AKR1E2: variants seen among roughly 807,000 people sequenced by gnomAD.
The protein encoded by AKR1E2 is 1,5-anhydro-D-fructose reductase.
A neutral mutation model predicts 41.9 loss-of-function variants in AKR1E2; 43 were observed. That is an observed-to-expected ratio of 1.03 (90% CI 0.80 to 1.32). The LOEUF is 1.32. AKR1E2 is among the 40% of genes most tolerant of loss of function. The pLI is 0.00. For synonymous variants in AKR1E2, 121 were observed against 138.9 expected (o/e 0.87, Z 0.91); for missense variants, 423 against 396.5 (o/e 1.07, Z -0.57).
At chr10:4,825,448 AG>A (rs1832399905), upstream of AKR1E2, among the ~76,000 whole-genome samples, 1 of 152,056 alleles carries the variant, frequency 6.6e-6, no homozygotes, top group Non-Finnish European at 1.5e-5. Flanking sequence ...TCCACTCATA[AG>A]GGGGGTGTCC....
rs1833724864 is a variant in AKR1E2 at position 4,839,772 on chromosome 10, T to C, written c.626T>C (p.Phe209Ser). 1 of 1,614,166 alleles carries C rather than the reference T, an allele frequency of 6.2e-7. No homozygotes were observed. The highest frequency in any genetic ancestry group is 2.2e-5 in the East Asian group (1 of 44,876). ...PYLTQKNLIS[F>S]CQSRDVSVTA... The stretch of plus-strand genomic sequence containing the variant: ...CTTACTCAGAAGAATCTGATCAGTT[T>C]TTGCCAATCCAGAGATGTGTCCGTG... Residue 209 changes from phenylalanine (F) to serine (S), a missense_variant, in exon 6 of 10, where the codon TTT becomes TCT. Coordinates refer to ENST00000298375, the MANE Select transcript of AKR1E2 (RefSeq NM_001040177.3).
chr10:4,829,985 T>C (rs552563918), intron 1 of AKR1E2, among the ~76,000 whole-genome samples: 2 of 152,358 alleles, frequency 1.3e-5, no homozygotes, highest in African/African-American at 4.8e-5. Context: ...GTTCATTAGC[T>C]TTCAACCACT....
At chr10:4,829,422 G>A (rs879435337) in intron 1 of AKR1E2, among the ~76,000 whole-genome samples, 3 of 152,242 alleles carry the variant, frequency 2.0e-5, no homozygotes, top group Non-Finnish European at 4.4e-5. Flanking sequence ...CGGTATTCAT[G>A]AATAAGATGA....
chr10:4,831,833 A>C (rs973155467), intron 2 of AKR1E2, among the ~76,000 whole-genome samples: 3 of 152,206 alleles, frequency 2.0e-5, no homozygotes, highest in Admixed American at 2.0e-4. Context: ...TTTCATTTTT[A>C]AATAGGGCAG....
At chr10:4,857,197 A>G in the AKR1E2 span, among the ~76,000 whole-genome samples, 1 of 152,146 alleles carries the variant, frequency 6.6e-6, no homozygotes, top group East Asian at 1.9e-4. Flanking sequence ...AAAACATCTT[A>G]TGTACCCTGA....
upstream of AKR1E2, chr10:4,826,106 C>G (rs1588421928): frequency 2.5e-6 from 1 of 400,522 alleles, no homozygotes; most frequent in East Asian, 3.6e-5. Context: ...TCGGGGTGCC[C>G]GTCCTTAATA....
At chr10:4,856,756 G>T in the AKR1E2 span, among the ~76,000 whole-genome samples, 1 of 152,112 alleles carries the variant, frequency 6.6e-6, no homozygotes, top group Non-Finnish European at 1.5e-5. Flanking sequence ...TGGCACAGAG[G>T]TAACCAAATT....
intron 5 of AKR1E2, among the ~76,000 whole-genome samples, chr10:4,838,082 G>T (rs1433166703): frequency 2.0e-5 from 3 of 152,232 alleles, no homozygotes; most frequent in Admixed American, 6.5e-5. Context: ...TATGTTCAAA[G>T]ATCATTTATA....
Position 4,830,679 on chromosome 10 carries a change from C to T in AKR1E2, c.44C>T (p.Ser15Phe). ...TTTGTTTTGTTGGTTTTGCAGGCTT[C>T]TCCAGGGAAAGTGACCGAGGCAGTG... ...PAVGLSSWKA[S>F]PGKVTEAVKE... Residue 15 changes from serine (S) to phenylalanine (F), a missense_variant, in exon 2 of 10, where the codon TCT (serine) becomes TTT (phenylalanine). Ser to Phe is a radical substitution (Grantham distance 155). Transcript: ENST00000298375. 1 of 1,613,968 alleles carries T rather than the reference C, an allele frequency of 6.2e-7. No homozygotes were observed. The highest frequency in any genetic ancestry group is 1.1e-5 in the South Asian group (1 of 91,064).
intron 8 of AKR1E2, among the ~76,000 whole-genome samples, chr10:4,844,104 G>A (rs767564844): frequency 3.3e-4 from 50 of 152,294 alleles, no homozygotes; most frequent in Middle Eastern, 3.4e-3. Context: ...GGACCCTTGC[G>A]GTGAGTGTTA....
At chr10:4,872,772 C>T in the AKR1E2 span, among the ~76,000 whole-genome samples, 2 of 152,064 alleles carry the variant, frequency 1.3e-5, no homozygotes, top group Non-Finnish European at 2.9e-5. Context: ...GCTAAATAAA[C>T]TAGTAAAATA....
the AKR1E2 span, among the ~76,000 whole-genome samples, chr10:4,854,942 T>C: frequency 6.6e-6 from 1 of 152,182 alleles, no homozygotes; most frequent in African/African-American, 2.4e-5. Flanking sequence ...TGGAATAATC[T>C]GCCTTGCCCT....
the AKR1E2 span, among the ~76,000 whole-genome samples, chr10:4,859,490 G>A: frequency 6.6e-6 from 1 of 152,200 alleles, no homozygotes; most frequent in Non-Finnish European, 1.5e-5. Flanking sequence ...AAAATCATGA[G>A]GCCTGGAAGA....
Position 4,833,464 on chromosome 10 carries a change from A to AAGGTACC in AKR1E2, c.323_324+5dup. 4 of 1,612,730 alleles carry AAGGTACC rather than the reference A, an allele frequency of 2.5e-6. No homozygotes were observed. The highest frequency in any genetic ancestry group is 2.5e-6 in the Non-Finnish European group (3 of 1,178,762). ...CCTCATACACTGGCCCATGGGTTTC[A>AAGGTACC]AGGTACCGTTCAGTAGGTAGTTCGT... On this transcript the variant is annotated frameshift_variant and splice_region_variant, in exon 3 of 10. Transcript: ENST00000298375. LOFTEE classifies it high-confidence loss of function.
the AKR1E2 span, among the ~76,000 whole-genome samples, chr10:4,869,722 A>G: frequency 6.6e-6 from 1 of 151,876 alleles, no homozygotes; most frequent in Non-Finnish European, 1.5e-5. Flanking sequence ...ATTCAGTTCA[A>G]TGTACTTTTT....
chr10:4,848,618 C>T (rs1276809975), downstream of AKR1E2, among the ~76,000 whole-genome samples: 2 of 152,234 alleles, frequency 1.3e-5, no homozygotes, highest in African/African-American at 4.8e-5. Context: ...TCCCCCACAT[C>T]AGCCTCCAAA....
the AKR1E2 span, among the ~76,000 whole-genome samples, chr10:4,857,779 G>A: frequency 6.6e-6 from 1 of 152,064 alleles, no homozygotes; most frequent in African/African-American, 2.4e-5. Flanking sequence ...TATCTAACTT[G>A]CTGGCATACA....
At chr10:4,838,963 T>C (rs749431708) in intron 5 of AKR1E2, among the ~76,000 whole-genome samples, 1 of 152,180 alleles carries the variant, frequency 6.6e-6, no homozygotes, top group Non-Finnish European at 1.5e-5. Context: ...CTGGCCTCTC[T>C]TTTGGAGGCT....
chr10:4,868,406 G>C, the AKR1E2 span, among the ~76,000 whole-genome samples: 1 of 152,062 alleles, frequency 6.6e-6, no homozygotes, highest in African/African-American at 2.4e-5. Context: ...TCATCGCTTT[G>C]GTCTGTTTTT....
Sources: gnomAD v4.1 joint callset for allele counts (sites outside exome capture counted in the v4.1 genomes callset) on GRCh38, gnomAD v4.1.1 for gene constraint, MANE v1.5 for transcripts, NCBI Gene and HGNC (gene_info 2026-07-23, HGNC 2026-07-21) for gene names.